Variants in TMEM132D observed in about 807,000 individuals in gnomAD.
The protein encoded by TMEM132D is transmembrane protein 132D, also known as mature OL transmembrane protein.
In TMEM132D, 21 loss-of-function variants were observed where a neutral mutation model predicts 62.3. That is an observed-to-expected ratio of 0.34 (90% CI 0.24 to 0.49). The LOEUF (loss-of-function observed/expected upper bound fraction) is 0.49. Among genes scored for constraint, TMEM132D ranks in the 20% least tolerant of loss-of-function variants. TMEM132D has a pLI of 0.99. For missense variants in TMEM132D, 1,346 were observed against 1,402.8 expected (o/e 0.96, Z 0.65); for synonymous variants, 621 against 575.6 (o/e 1.08, Z -1.13).
At chr12:129,197,603 A>C (rs1432440760) in intron 5 of TMEM132D, among the ~76,000 whole-genome samples, 1 of 152,216 alleles carries the variant, frequency 6.6e-6, no homozygotes, top group Non-Finnish European at 1.5e-5. Flanking sequence ...GCAGAAGAAT[A>C]AAACTGGATC....
intron 1 of TMEM132D, among the ~76,000 whole-genome samples, chr12:129,707,489 A>T (rs891586449): frequency 6.6e-6 from 1 of 152,132 alleles, no homozygotes; most frequent in Non-Finnish European, 1.5e-5. Flanking sequence ...AGTAGCATAG[A>T]GGGGCTGTCT....
At chr12:129,084,997 A>T in intron 5 of TMEM132D, 1 of 521,860 alleles carries the variant, frequency 1.9e-6, no homozygotes, top group Non-Finnish European at 3.3e-6. Context: ...CTCCTGCCAC[A>T]TCTTCCGTAG....
intron 3 of TMEM132D, among the ~76,000 whole-genome samples, chr12:129,394,318 C>G (rs1350493428): frequency 6.6e-6 from 1 of 152,176 alleles, no homozygotes; most frequent in Non-Finnish European, 1.5e-5. Flanking sequence ...GAATACAAAC[C>G]CTGAACATGA....
intron 3 of TMEM132D, among the ~76,000 whole-genome samples, chr12:129,524,920 C>CTTTTTTTTTTTTTTTTTTTTTTTTTTT: frequency 1.1e-5 from 1 of 92,170 alleles, no homozygotes; most frequent in Non-Finnish European, 2.0e-5. Flanking sequence ...ATATTTTTTT[C>CTTTTTTTTTTTTTTTTTTTTTTTTTTT]TTTTTTCTTT....
At chr12:129,500,788 C>T (rs1449963730) in intron 3 of TMEM132D, among the ~76,000 whole-genome samples, 1 of 152,124 alleles carries the variant, frequency 6.6e-6, no homozygotes, top group African/African-American at 2.4e-5. Flanking sequence ...CCCAAATGAC[C>T]CAAAAGCTTA....
chr12:129,642,456 C>T (rs779535819), intron 2 of TMEM132D, among the ~76,000 whole-genome samples: 4 of 152,148 alleles, frequency 2.6e-5, no homozygotes, highest in Non-Finnish European at 5.9e-5. Flanking sequence ...AAACTCTCTC[C>T]TGCCACCCTG....
chr12:129,703,881 T>C (rs1252148339), intron 1 of TMEM132D, among the ~76,000 whole-genome samples: 1 of 150,754 alleles, frequency 6.6e-6, no homozygotes, highest in Admixed American at 6.6e-5. Flanking sequence ...AGTTTTCCCC[T>C]ATGTGGACTC....
chr12:129,570,302 G>A (rs1041616665), intron 2 of TMEM132D, among the ~76,000 whole-genome samples: 3 of 152,200 alleles, frequency 2.0e-5, no homozygotes, highest in Admixed American at 6.5e-5. Context: ...TCTCCTCCTG[G>A]TCCCAAGATG....
chr12:129,141,188 TC>T (rs1452488045), intron 5 of TMEM132D, among the ~76,000 whole-genome samples: 1 of 152,210 alleles, frequency 6.6e-6, no homozygotes, highest in Non-Finnish European at 1.5e-5. Context: ...GTTGATGTCC[TC>T]AGCTTGTGTG....
At chr12:129,313,396 A>C (rs971383040) in intron 4 of TMEM132D, among the ~76,000 whole-genome samples, 16 of 152,116 alleles carry the variant, frequency 1.1e-4, no homozygotes, top group African/African-American at 3.6e-4. Flanking sequence ...TAGCTCCCAC[A>C]TATCAGTGAG....
At chr12:129,156,615 A>C (rs975054620) in intron 5 of TMEM132D, among the ~76,000 whole-genome samples, 2 of 152,112 alleles carry the variant, frequency 1.3e-5, no homozygotes, top group African/African-American at 4.8e-5. Context: ...ATCCACTCCC[A>C]AAAGTAACCA....
intron 4 of TMEM132D, among the ~76,000 whole-genome samples, chr12:129,301,166 A>G (rs1226093216): frequency 6.6e-6 from 1 of 152,128 alleles, no homozygotes; most frequent in Non-Finnish European, 1.5e-5. Flanking sequence ...GAAAGCAAGG[A>G]ACTCTCCCCT....
intron 5 of TMEM132D, among the ~76,000 whole-genome samples, chr12:129,123,515 G>A (rs1320832235): frequency 6.6e-6 from 1 of 152,104 alleles, no homozygotes. Flanking sequence ...TCTATGTGGG[G>A]TCTCCAGGGT....
At chr12:129,518,333 T>C (rs1875742108) in intron 3 of TMEM132D, among the ~76,000 whole-genome samples, 1 of 152,100 alleles carries the variant, frequency 6.6e-6, no homozygotes, top group African/African-American at 2.4e-5. Flanking sequence ...AGAACACACA[T>C]TTTGTTTCGT....
At chr12:129,672,615 A>G (rs554026814) in intron 2 of TMEM132D, among the ~76,000 whole-genome samples, 3 of 152,356 alleles carry the variant, frequency 2.0e-5, no homozygotes, top group Admixed American at 2.0e-4. Context: ...AAGGTAGGTC[A>G]GTGTCAGGTA....
intron 5 of TMEM132D, among the ~76,000 whole-genome samples, chr12:129,117,119 C>T (rs781097371): frequency 2.0e-5 from 3 of 151,928 alleles, no homozygotes; most frequent in Non-Finnish European, 2.9e-5. Context: ...CATAGAGGAA[C>T]CTTAAATACA....
rs565009723 is a variant in TMEM132D at position 129,728,052 on chromosome 12, G to A, written c.80-27354C>T. ...CTCTATTTTTGCATCTCTTTGTATT[G>A]CATGTTAAAAAATATTTTTAAAAAG... is the stretch of plus-strand genomic sequence containing the variant. On this transcript the variant is annotated intron_variant, in intron 1 of 8. Coordinates refer to ENST00000422113, the MANE Select transcript of TMEM132D (RefSeq NM_133448.3). 4.0e-4 allele frequency among the ~76,000 whole-genome samples: 61 copies of A among 152,174 alleles called. No homozygotes were observed. The South Asian group carries it at 0.011, about 28-fold the overall frequency.
intron 2 of TMEM132D, among the ~76,000 whole-genome samples, chr12:129,695,070 T>C (rs1881170277): frequency 6.6e-6 from 1 of 152,204 alleles, no homozygotes; most frequent in Non-Finnish European, 1.5e-5. Flanking sequence ...CTGCAGTCTC[T>C]CTGAATCTGC....
intron 1 of TMEM132D, among the ~76,000 whole-genome samples, chr12:129,780,055 A>C (rs1019041791): frequency 3.3e-5 from 5 of 151,910 alleles, no homozygotes; most frequent in African/African-American, 1.2e-4. Context: ...CCACACCCTG[A>C]AGCTAAGAGC....
Sources: allele counts gnomAD v4.1 joint callset (sites outside exome capture counted in the v4.1 genomes callset), GRCh38; gene constraint gnomAD v4.1.1; transcripts MANE v1.5; gene names NCBI Gene and HGNC (gene_info 2026-07-23, HGNC 2026-07-21).